The following CYFIP2 variants were observed in gnomAD, a reference collection of about 807,000 sequenced individuals.
CYFIP2 encodes cytoplasmic FMR1-interacting protein 2.
CYFIP2 carries 29 observed loss-of-function variants against 158.7 expected under a neutral mutation model. That is an observed-to-expected ratio of 0.18 (90% CI 0.14 to 0.25). CYFIP2 has a LOEUF of 0.25. Among genes scored for constraint, CYFIP2 ranks in the 10% least tolerant of loss-of-function variants. The pLI, the probability that CYFIP2 is intolerant of heterozygous loss-of-function variation, is 1.00. For missense variants in CYFIP2, 852 were observed against 1,639.5 expected, an observed-to-expected ratio of 0.52 and a Z score of 8.29; for synonymous variants, 585 against 617.6, an observed-to-expected ratio of 0.95 and a Z score of 0.78.
intron 1 of CYFIP2, among the ~76,000 whole-genome samples, chr5:157,268,827 C>T (rs1561675832): frequency 6.6e-6 from 1 of 152,160 alleles, no homozygotes; most frequent in Non-Finnish European, 1.5e-5. Flanking sequence ...TGCCTAGGGT[C>T]CAGGGGATGG....
chr5:157,385,500 GTAT>G (rs1561789938), intron 28 of CYFIP2, among the ~76,000 whole-genome samples: 1 of 152,204 alleles, frequency 6.6e-6, no homozygotes, highest in Non-Finnish European at 1.5e-5. Context: ...AGCTTGAGCA[GTAT>G]TGCATTCTTT....
At chr5:157,357,404 C>G (rs1051619011) in intron 23 of CYFIP2, among the ~76,000 whole-genome samples, 4 of 152,158 alleles carry the variant, frequency 2.6e-5, no homozygotes, top group African/African-American at 9.7e-5. Context: ...TTCCATTTAA[C>G]TGATGTATAA....
In CYFIP2 at chr5:157,339,135, G is replaced by A. The variant is rs1347728182; in HGVS notation, c.2464G>A (p.Ala822Thr). ...GCATATGACGCTGGACAGCTTCGAT[G>A]CCATGTTCCGAGAGGCCAATCACAA... ...CKHMTLDSFD[A>T]MFREANHNVS... Residue 822 changes from alanine (A) to threonine (T), a missense_variant, in exon 22 of 31, where the codon GCC becomes ACC. Around this residue, in one of 8 missense-constraint regions of CYFIP2, gnomAD observed 191 missense variants for 311.2 expected, o/e 0.61. Coordinates refer to ENST00000620254, the MANE Select transcript of CYFIP2 (RefSeq NM_001037333.3). 3.7e-6 allele frequency: 6 copies of A among 1,614,044 alleles called. No homozygotes were observed. Among genetic ancestry groups the A allele is most frequent in the Non-Finnish European group, 5.1e-6 (6 of 1,179,896 alleles).
Position 157,341,175 on chromosome 5 carries a change from A to C in CYFIP2, c.2673+18A>C. ...GATCCAAGGTAAGTAGTCCTGCCCTACCCTGCCTAGAAGAGGGTTGGTGAG... is the reference window on the plus strand; with the variant it reads ...GATCCAAGGTAAGTAGTCCTGCCCTCCCCTGCCTAGAAGAGGGTTGGTGAG... On this transcript the variant is annotated intron_variant, in intron 23 of 30. Coordinates refer to ENST00000620254, the MANE Select transcript of CYFIP2 (RefSeq NM_001037333.3). 1 of 1,609,788 alleles carries C rather than the reference A, an allele frequency of 6.2e-7. No homozygotes were observed. Among genetic ancestry groups the C allele is most frequent in the Non-Finnish European group, 8.5e-7 (1 of 1,176,084 alleles).
chr5:157,354,688 C>A (rs1763296576), intron 23 of CYFIP2, among the ~76,000 whole-genome samples: 1 of 151,950 alleles, frequency 6.6e-6, no homozygotes, highest in Non-Finnish European at 1.5e-5. Flanking sequence ...GCCTAAACTC[C>A]CAGTCTAGAC....
At chr5:157,304,968 C>T (rs948143117) in intron 8 of CYFIP2, among the ~76,000 whole-genome samples, 2 of 152,158 alleles carry the variant, frequency 1.3e-5, no homozygotes, top group African/African-American at 4.8e-5. Context: ...TGGGCACCCT[C>T]GTAGCTTAGC....
intron 23 of CYFIP2, among the ~76,000 whole-genome samples, chr5:157,349,271 C>T (rs1342294574): frequency 1.3e-5 from 2 of 152,078 alleles, no homozygotes; most frequent in African/African-American, 4.8e-5. Flanking sequence ...TATCCCTCTC[C>T]CTCCTCCCAC....
At chr5:157,353,981 A>G (rs1304278275) in intron 23 of CYFIP2, among the ~76,000 whole-genome samples, 1 of 152,234 alleles carries the variant, frequency 6.6e-6, no homozygotes, top group Non-Finnish European at 1.5e-5. Flanking sequence ...AAGTCTGTAT[A>G]CAACATTTAA....
intron 1 of CYFIP2, among the ~76,000 whole-genome samples, chr5:157,270,635 G>A (rs1011393589): frequency 2.0e-5 from 3 of 152,222 alleles, no homozygotes; most frequent in African/African-American, 7.2e-5. Context: ...CTATCTCCAA[G>A]TCTGTTATAC....
chr5:157,379,081 A>G (rs1209847952), intron 26 of CYFIP2, among the ~76,000 whole-genome samples: 1 of 152,136 alleles, frequency 6.6e-6, no homozygotes, highest in Non-Finnish European at 1.5e-5. Flanking sequence ...AGTTACCTCC[A>G]TAACACTCAT....
Position 157,393,298 on chromosome 5 carries a change from T to C in CYFIP2, c.*298T>C. The C allele has an allele frequency of 4.1e-6, 1 of 245,568 alleles. No homozygotes were observed. Among genetic ancestry groups the C allele is most frequent in the Non-Finnish European group, 7.8e-6 (1 of 128,486 alleles). 15.2% of individuals were successfully genotyped at this position (245,568 alleles called of 1,614,324 possible). On this transcript the variant is annotated 3_prime_UTR_variant, in exon 31 of 31. Coordinates refer to ENST00000620254, the MANE Select transcript of CYFIP2 (RefSeq NM_001037333.3). ...TAAGAACTCCTAGTTTCACCCTTTCTCCATCCCATCATCCCACCTATCTGT... is the reference window on the plus strand; with the variant it reads ...TAAGAACTCCTAGTTTCACCCTTTCCCCATCCCATCATCCCACCTATCTGT...
chr5:157,389,317 G>C lies in CYFIP2; in HGVS notation c.3336G>C (p.Pro1112=), dbSNP rs114967929. The C allele has an allele frequency of 6.2e-7, 1 of 1,614,000 alleles. No homozygotes were observed. Among genetic ancestry groups the C allele is most frequent in the Non-Finnish European group, 8.5e-7 (1 of 1,179,874 alleles). The change falls in exon 29 of 31, where the codon CCG becomes CCC. Residue 1112 remains proline (P), a synonymous_variant. Transcript: ENST00000620254. ...AGGACCCCATCTGGCGGGGCCCACC[G>C]CCCACCAATGGCGTCATGCACGTCG... ...YLQDPIWRGP[P]PTNGVMHVDE...
intron 20 of CYFIP2, among the ~76,000 whole-genome samples, chr5:157,332,336 T>C (rs1217926659): frequency 6.6e-6 from 1 of 152,258 alleles, no homozygotes; most frequent in Non-Finnish European, 1.5e-5. Flanking sequence ...CTCTCATGTA[T>C]GTATTTTCTC....
At chr5:157,338,558 A>G (rs1762019985) in intron 21 of CYFIP2, among the ~76,000 whole-genome samples, 1 of 152,270 alleles carries the variant, frequency 6.6e-6, no homozygotes, top group Non-Finnish European at 1.5e-5. Context: ...TTTGATAAGC[A>G]TTAAACAAGT....
At chr5:157,319,411 T>C (rs1381655782) in intron 13 of CYFIP2, among the ~76,000 whole-genome samples, 1 of 152,234 alleles carries the variant, frequency 6.6e-6, no homozygotes, top group Non-Finnish European at 1.5e-5. Flanking sequence ...CCAAGGCACT[T>C]CTCAAAATGC....
At chr5:157,301,635 G>T (rs940835657) in intron 6 of CYFIP2, among the ~76,000 whole-genome samples, 8 of 152,120 alleles carry the variant, frequency 5.3e-5, no homozygotes, top group African/African-American at 1.9e-4. Flanking sequence ...CAGCTCTTAA[G>T]AAGAAGAAGG....
intron 1 of CYFIP2, among the ~76,000 whole-genome samples, chr5:157,268,935 G>C (rs116079084): frequency 0.015 from 2,228 of 152,338 alleles, 29 homozygotes; most frequent in Non-Finnish European, 0.023. Context: ...ATCTTTGGAT[G>C]CTCTTACTAC....
rs758587764 is a variant in CYFIP2 at position 157,339,269 on chromosome 5, C to A, written c.2585+13C>A. 7.5e-6 allele frequency: 12 copies of A among 1,606,508 alleles called. No homozygotes were observed. The highest frequency in any genetic ancestry group is 2.2e-5 in the East Asian group (1 of 44,736). On this transcript the variant is annotated intron_variant, in intron 22 of 30. Transcript: ENST00000620254. ...GGTCCACTAACCGGTAAGGGAGTCC[C>A]TGTGCAGAGGGGGCCGGGTGGGGGT...
rs1296952264 is a variant in CYFIP2 at position 157,309,718 on chromosome 5, C to T, written c.901-25C>T. ...ACCCCAACCCCTCCTCAGCATCTCA[C>T]GAGCTGTGTTTGCTTCCTTTGCAGC... is the stretch of plus-strand genomic sequence containing the variant. On this transcript the variant is annotated intron_variant, in intron 9 of 30. Coordinates refer to ENST00000620254, the MANE Select transcript of CYFIP2 (RefSeq NM_001037333.3). The T allele has an allele frequency of 1.2e-5, 19 of 1,577,814 alleles. No individual in the cohort carries two copies. The Middle Eastern group carries it at 5.0e-4, about 41-fold the overall frequency.
Sources: allele counts gnomAD v4.1 joint callset (sites outside exome capture counted in the v4.1 genomes callset), GRCh38; gene constraint gnomAD v4.1.1; regional missense constraint gnomAD v4.1.1; transcripts MANE v1.5; gene names NCBI Gene and HGNC (gene_info 2026-07-23, HGNC 2026-07-21).